OSBPL10: variants seen among roughly 807,000 people sequenced by gnomAD.
OSBPL10 encodes the protein oxysterol-binding protein-related protein 10.
A neutral mutation model predicts 81.7 loss-of-function variants in OSBPL10; 49 were observed. The ratio of observed to expected loss-of-function variants is 0.60; its 90% confidence interval spans 0.48 to 0.76. The LOEUF (loss-of-function observed/expected upper bound fraction) is 0.76, where lower values mean the gene tolerates loss of function less well. Among genes scored for constraint, OSBPL10 ranks in the 30% least tolerant of loss-of-function variants. The probability of loss-of-function intolerance (pLI) is 0.00; values close to 1 mark genes in which losing one functional copy is unlikely to be tolerated. For missense variants in OSBPL10, 923 were observed against 987.8 expected (o/e 0.93, Z 0.88); for synonymous variants, 419 against 383.6 (o/e 1.09, Z -1.08).
intron 3 of OSBPL10, among the ~76,000 whole-genome samples, chr3:31,875,202 T>G (rs913868439): frequency 6.6e-6 from 1 of 151,934 alleles, no homozygotes; most frequent in African/African-American, 2.4e-5. Flanking sequence ...CTAAATTTAC[T>G]AGAAAGATAT....
chr3:31,919,818 T>C (rs540240797), intron 1 of OSBPL10, among the ~76,000 whole-genome samples: 1 of 152,322 alleles, frequency 6.6e-6, no homozygotes, highest in East Asian at 1.9e-4. Flanking sequence ...TGCAAATCTA[T>C]CCACCAAATC....
intron 2 of OSBPL10, among the ~76,000 whole-genome samples, chr3:32,000,525 A>G (rs1000504620): frequency 6.6e-6 from 1 of 152,202 alleles, no homozygotes; most frequent in African/African-American, 2.4e-5. Flanking sequence ...TATAAAGGAT[A>G]ATCAATGCAT....
chr3:31,862,014 G>A (rs1287791386), intron 3 of OSBPL10, among the ~76,000 whole-genome samples: 2 of 152,080 alleles, frequency 1.3e-5, no homozygotes, highest in African/African-American at 2.4e-5. Context: ...AGTGGAAGGG[G>A]CCAGTTTTCT....
intron 4 of OSBPL10, among the ~76,000 whole-genome samples, chr3:31,810,330 T>C (rs949751562): frequency 6.6e-5 from 10 of 151,510 alleles, no homozygotes. Context: ...GTGATTTTTA[T>C]TATATGTAAT....
rs1700128532 is a variant in OSBPL10 at position 31,664,086 on chromosome 3, A to C, written c.2243T>G (p.Ile748Ser). 9.9e-6 allele frequency: 16 copies of C among 1,614,090 alleles called. No individual in the cohort carries two copies. Among genetic ancestry groups the C allele is most frequent in the Non-Finnish European group, 1.3e-5 (15 of 1,180,008 alleles). The change falls in exon 11 of 12, where the codon ATC becomes AGC. Residue 748 changes from isoleucine to serine, a missense_variant. Physicochemically the swap from Ile to Ser is moderately radical, Grantham distance 142 (BLOSUM62 -2). Around this residue, in one of 3 missense-constraint regions of OSBPL10, gnomAD observed 387 missense variants for 436.3 expected, o/e 0.89. Coordinates refer to ENST00000396556, the MANE Select transcript of OSBPL10 (RefSeq NM_017784.5). ...LRTPWKPKYF[I>S]QEGDGWVYFN... ...GACAGGCGGCAGAGTTACCTCCTGG[A>C]TAAAATATTTGGGCTTCCATGGTGT... is the stretch of plus-strand genomic sequence containing the variant.
chr3:31,937,920 A>G (rs908098776), intron 1 of OSBPL10, among the ~76,000 whole-genome samples: 3 of 152,046 alleles, frequency 2.0e-5, no homozygotes, highest in Non-Finnish European at 1.5e-5. Context: ...GTCATTCCAA[A>G]TGACCTTAGA....
intron 1 of OSBPL10, among the ~76,000 whole-genome samples, chr3:31,975,440 C>T (rs554018833): frequency 6.2e-4 from 95 of 152,110 alleles, no homozygotes; most frequent in African/African-American, 2.0e-3. Flanking sequence ...TCATATATAC[C>T]CCAGTGATGC....
chr3:32,000,566 T>C (rs1699135105), intron 2 of OSBPL10, among the ~76,000 whole-genome samples: 2 of 152,158 alleles, frequency 1.3e-5, no homozygotes, highest in Non-Finnish European at 2.9e-5. Flanking sequence ...TCTAACACAC[T>C]CTAAAAGCAT....
At chr3:31,946,592 G>T (rs1697710326) in intron 1 of OSBPL10, among the ~76,000 whole-genome samples, 1 of 152,188 alleles carries the variant, frequency 6.6e-6, no homozygotes, top group East Asian at 1.9e-4. Flanking sequence ...AGGCACAGCG[G>T]TAAAGGTAAT....
Position 31,857,047 on chromosome 3 carries a change from C to A in OSBPL10, c.537+19386G>T, listed in dbSNP as rs192651593. On this transcript the variant is annotated intron_variant, in intron 3 of 11. Transcript: ENST00000396556. Reference sequence around the variant, plus strand: ...CTCCAGCCTGGGCAACAGAGTGAGACCCTGCCTTGAAAAAGAAGTTTTCAT... The same window carrying A: ...CTCCAGCCTGGGCAACAGAGTGAGAACCTGCCTTGAAAAAGAAGTTTTCAT... 1.6e-4 allele frequency among the ~76,000 whole-genome samples: 25 copies of A among 152,292 alleles called. No homozygotes were observed. The East Asian group carries it at 4.6e-3, about 28-fold the overall frequency.
rs144305482 is a variant in OSBPL10, at chr3:31,901,013, T to G, written c.282-21183A>C. On this transcript the variant is annotated intron_variant, in intron 1 of 11. Coordinates refer to ENST00000396556, the MANE Select transcript of OSBPL10 (RefSeq NM_017784.5). ...TGAGAACACTCTATCTCTGCAACTC[T>G]ACTGTAAATCTAAAAATATTTCAAA... Among the ~76,000 whole-genome samples, 657 of 152,376 alleles carry G rather than the reference T, an allele frequency of 4.3e-3. 9 individuals carry two copies. Among genetic ancestry groups the G allele is most frequent in the South Asian group, 0.039 (189 of 4,830 alleles).
chr3:31,811,604 C>T (rs1228584193), intron 4 of OSBPL10, among the ~76,000 whole-genome samples: 1 of 152,142 alleles, frequency 6.6e-6, no homozygotes, highest in Admixed American at 6.5e-5. Flanking sequence ...TGCTACAGAG[C>T]TATTTCCATG....
At chr3:31,804,642 C>G (rs1250721208) in intron 4 of OSBPL10, among the ~76,000 whole-genome samples, 3 of 152,160 alleles carry the variant, frequency 2.0e-5, no homozygotes. Flanking sequence ...GGTAGAGCTC[C>G]CCATCCCACA....
In OSBPL10 at chr3:31,891,965, G is replaced by A. The variant is rs79909405; in HGVS notation, c.282-12135C>T. Among the ~76,000 whole-genome samples the A allele has an allele frequency of 4.8e-3, 728 of 152,258 alleles. 27 individuals carry two copies. The East Asian group carries it at 0.11, about 23-fold the overall frequency. On this transcript the variant is annotated intron_variant, in intron 1 of 11. Coordinates refer to ENST00000396556, the MANE Select transcript of OSBPL10 (RefSeq NM_017784.5). ...AGGTATTGTGCTAAGGATACATGTG[G>A]TATGGGTGACAAAGCCCCTATTCTA...
intron 1 of OSBPL10, among the ~76,000 whole-genome samples, chr3:31,917,224 G>T (rs1696782803): frequency 6.6e-6 from 1 of 152,182 alleles, no homozygotes; most frequent in Non-Finnish European, 1.5e-5. Context: ...GTGAGGTGGG[G>T]CCAAGGGCCT....
At chr3:31,789,484 A>G (rs1698955783) in intron 4 of OSBPL10, among the ~76,000 whole-genome samples, 1 of 152,180 alleles carries the variant, frequency 6.6e-6, no homozygotes, top group African/African-American at 2.4e-5. Flanking sequence ...AACTCTTCCT[A>G]TAGGGTACAG....
intron 4 of OSBPL10, among the ~76,000 whole-genome samples, chr3:31,817,177 A>C (rs996402256): frequency 6.6e-6 from 1 of 152,190 alleles, no homozygotes; most frequent in Non-Finnish European, 1.5e-5. Flanking sequence ...CACTCTGGTC[A>C]GTGGGACTGG....
intron 2 of OSBPL10, among the ~76,000 whole-genome samples, chr3:32,006,131 G>A (rs1699203875): frequency 6.6e-6 from 1 of 151,778 alleles, no homozygotes; most frequent in African/African-American, 2.4e-5. Flanking sequence ...TTTTAATAGA[G>A]ACGGGGGTTT....
chr3:31,942,990 T>G (rs1697581025), intron 1 of OSBPL10, among the ~76,000 whole-genome samples: 1 of 152,232 alleles, frequency 6.6e-6, no homozygotes, highest in African/African-American at 2.4e-5. Context: ...TCTGTAACTA[T>G]CAATCAATAA....
Sources: gnomAD v4.1 joint callset for allele counts (sites outside exome capture counted in the v4.1 genomes callset) on GRCh38, gnomAD v4.1.1 for gene constraint, gnomAD v4.1.1 regional missense constraint, MANE v1.5 for transcripts, NCBI Gene and HGNC (gene_info 2026-07-23, HGNC 2026-07-21) for gene names.